Variants in SRGAP3 observed in about 807,000 individuals in gnomAD.
The protein encoded by SRGAP3 is SLIT-ROBO Rho GTPase activating protein 3, also known as SLIT-ROBO Rho GTPase-activating protein 3.
SRGAP3 carries 39 observed loss-of-function variants against 121.1 expected under a neutral mutation model. That is an observed-to-expected ratio of 0.32 (90% CI 0.25 to 0.42). The LOEUF is 0.42. Ranked by LOEUF, SRGAP3 falls within the 10% of genes least tolerant of loss-of-function variation. The pLI, the probability that SRGAP3 is intolerant of heterozygous loss-of-function variation, is 1.00. For synonymous variants in SRGAP3, 601 were observed against 570.0 expected, an observed-to-expected ratio of 1.05 and a Z score of -0.77; for missense variants, 1,213 against 1,470.6, an observed-to-expected ratio of 0.82 and a Z score of 2.86.
intron 7 of SRGAP3, 66 bp downstream of exon 7, chr3:9,058,185 T>C (rs1945924230): frequency 6.5e-7 from 1 of 1,533,242 alleles, no homozygotes; most frequent in Non-Finnish European, 9.0e-7. Flanking sequence ...CCAGGGATGA[T>C]GTACTGGAGC....
Position 9,104,786 on chromosome 3 carries a change from G to A in SRGAP3, c.317C>T (p.Thr106Ile), listed in dbSNP as rs916442011. The change falls in exon 3 of 22, where the codon ACC (threonine) becomes ATC (isoleucine). Residue 106 changes from threonine (T) to isoleucine (I), a missense_variant. This residue lies in a region of SRGAP3 where 793 missense variants were observed against 1,032.9 expected (regional missense o/e 0.77). Coordinates refer to ENST00000383836, the MANE Select transcript of SRGAP3 (RefSeq NM_014850.4). ...VNCWYLVLHQTRRESRDHATL... is the reference protein window; with the variant it reads ...VNCWYLVLHQIRRESRDHATL... The stretch of plus-strand genomic sequence containing the variant: ...GGCATGGTCTCGGCTCTCCCGCCGG[G>A]TCTGATGCAGAACCAGATACCAACA... The A allele has an allele frequency of 3.1e-6, 5 of 1,614,258 alleles. No individual in the cohort carries two copies. Among genetic ancestry groups the A allele is most frequent in the Non-Finnish European group, 4.2e-6 (5 of 1,180,046 alleles).
At chr3:9,276,228 C>T (rs1178157006) in intron 3 of SRGAP3, among the ~76,000 whole-genome samples, 6 of 152,088 alleles carry the variant, frequency 3.9e-5, no homozygotes, top group African/African-American at 7.2e-5. Context: ...TTAATGGGTT[C>T]CTGGCTTAAC....
chr3:9,060,050 C>A, intron 6 of SRGAP3, 181 bp downstream of exon 6: 2 of 948,006 alleles, frequency 2.1e-6, no homozygotes, highest in South Asian at 2.8e-5. Context: ...ATAGACACCA[C>A]GAGGTAACAT....
At chr3:9,006,416 A>G (rs1176680423) in intron 18 of SRGAP3, among the ~76,000 whole-genome samples, 1 of 146,310 alleles carries the variant, frequency 6.8e-6, no homozygotes, top group Non-Finnish European at 1.5e-5. Flanking sequence ...AAAAAAAAAG[A>G]AAAGAAAAGG....
chr3:8,986,110 C>T (rs568298129), intron 21 of SRGAP3, among the ~76,000 whole-genome samples, 178 bp from the exon 22 acceptor site: 3 of 152,158 alleles, frequency 2.0e-5, no homozygotes, highest in East Asian at 1.9e-4. Flanking sequence ...ATATCCCCTG[C>T]ATGCTGCCTT....
chr3:9,032,094 T>C (rs1175702761), intron 12 of SRGAP3, among the ~76,000 whole-genome samples: 1 of 152,186 alleles, frequency 6.6e-6, no homozygotes, highest in East Asian at 1.9e-4. Context: ...ACCTCAACTT[T>C]TCTCCCTTCT....
intron 14 of SRGAP3, among the ~76,000 whole-genome samples, chr3:9,024,005 C>G (rs76537251): frequency 5.9e-5 from 9 of 152,086 alleles, no homozygotes; most frequent in African/African-American, 1.9e-4. Context: ...TGGAGATGAC[C>G]GAGAGGCAGA....
intron 1 of SRGAP3, among the ~76,000 whole-genome samples, chr3:9,182,624 T>A (rs1024336467): frequency 2.0e-5 from 3 of 152,166 alleles, no homozygotes; most frequent in Non-Finnish European, 4.4e-5. Context: ...CTAATACAAA[T>A]ATTTATTTTA....
intron 3 of SRGAP3, among the ~76,000 whole-genome samples, chr3:9,301,365 G>T (rs752707091): frequency 6.6e-6 from 1 of 152,242 alleles, no homozygotes; most frequent in Non-Finnish European, 1.5e-5. Flanking sequence ...GCCCAGATGG[G>T]TGGCCTTGAG....
At chr3:9,108,555 C>T (rs547776978) in intron 2 of SRGAP3, among the ~76,000 whole-genome samples, 32 of 152,286 alleles carry the variant, frequency 2.1e-4, no homozygotes, top group African/African-American at 7.2e-4. Flanking sequence ...GAGGTGGAAG[C>T]TGCAGTGAGC....
intron 1 of SRGAP3, among the ~76,000 whole-genome samples, chr3:9,241,779 A>G (rs982248056): frequency 2.0e-5 from 3 of 152,122 alleles, no homozygotes; most frequent in Non-Finnish European, 2.9e-5. Flanking sequence ...TGCCCTTATA[A>G]GAAGAGGAAG....
intron 1 of SRGAP3, among the ~76,000 whole-genome samples, chr3:9,207,691 G>C (rs572648235): frequency 1.1e-4 from 17 of 152,312 alleles, no homozygotes; most frequent in African/African-American, 3.8e-4. Context: ...TGGCCCTTTG[G>C]AGTTGTCCCA....
intron 3 of SRGAP3, among the ~76,000 whole-genome samples, chr3:9,312,316 G>A (rs936111360): frequency 2.6e-5 from 4 of 152,034 alleles, no homozygotes; most frequent in East Asian, 1.9e-4. Flanking sequence ...CACCACGCCC[G>A]GCTAATTTTT....
At chr3:9,199,799 T>G (rs1952018542) in intron 1 of SRGAP3, among the ~76,000 whole-genome samples, 1 of 152,236 alleles carries the variant, frequency 6.6e-6, no homozygotes, top group South Asian at 2.1e-4. Context: ...CTACAATTAT[T>G]CATTCTTTCT....
At chr3:9,003,412 GA>G (rs1942874071) in intron 18 of SRGAP3, among the ~76,000 whole-genome samples, 1 of 152,152 alleles carries the variant, frequency 6.6e-6, no homozygotes, top group African/African-American at 2.4e-5. Context: ...CCAGGAGGCA[GA>G]GGTTGCAGTG....
chr3:9,000,565 G>C lies in SRGAP3; in HGVS notation c.2228-6042C>G, dbSNP rs1942695151. On this transcript the variant is annotated intron_variant, in intron 18 of 21. Transcript: ENST00000383836. ...GAGCTTGGAGAAGTTCAAGTCGAAGGGGACTCTCAAGAACAGTGGAGGTCG... is the reference window on the plus strand; with the variant it reads ...GAGCTTGGAGAAGTTCAAGTCGAAGCGGACTCTCAAGAACAGTGGAGGTCG... 2.0e-5 allele frequency among the ~76,000 whole-genome samples: 3 copies of C among 152,160 alleles called. No homozygotes were observed. In the South Asian group the frequency reaches 6.2e-4, roughly 31 times the overall value.
In SRGAP3 at chr3:8,982,233, C is replaced by CTTGA. The variant is rs1168294736; in HGVS notation, c.*3282_*3285dup. The CTTGA allele has an allele frequency of 8.8e-6, 2 of 225,994 alleles. No homozygotes were observed. Among genetic ancestry groups the CTTGA allele is most frequent in the Non-Finnish European group, 1.8e-5 (2 of 113,382 alleles). The allele number at this position is 225,994 out of a possible 1,614,324, so 14.0% of individuals were successfully genotyped here. A position where few individuals can be genotyped will look rare whatever the true frequency, so the allele number is the denominator to read the frequency against. On this transcript the variant is annotated 3_prime_UTR_variant, in exon 22 of 22. Coordinates refer to ENST00000383836, the MANE Select transcript of SRGAP3 (RefSeq NM_014850.4). ...GTCGGTTACACATAAAGACAAAAGG[C>CTTGA]TTGACCTCAGGATAAGTCGAAGGTT...
In SRGAP3 at chr3:9,249,036, A is replaced by C; in HGVS notation, c.-85T>G. 1 of 1,339,532 alleles carries C rather than the reference A, an allele frequency of 7.5e-7. No individual in the cohort carries two copies. The highest frequency in any genetic ancestry group is 1.1e-6 in the Non-Finnish European group (1 of 932,590). 83.0% of individuals were successfully genotyped at this position (1,339,532 alleles called of 1,614,324 possible). A position where few individuals can be genotyped will look rare whatever the true frequency, so the allele number is the denominator to read the frequency against. ...AGTCCTCTCTCAAGCCCTGGTAATC[A>C]CACAGCTCTGGTCGATTTCACAGGT... is the stretch of plus-strand genomic sequence containing the variant. On this transcript the variant is annotated 5_prime_UTR_variant, in exon 1 of 22. Coordinates refer to ENST00000383836, the MANE Select transcript of SRGAP3 (RefSeq NM_014850.4).
intron 6 of SRGAP3, 74 bp from the exon 7 acceptor site, chr3:9,058,546 T>C: frequency 1.4e-6 from 2 of 1,439,084 alleles, no homozygotes; most frequent in Non-Finnish European, 9.8e-7. Flanking sequence ...GCCACCACAG[T>C]GACTTACAAT....
Sources: gnomAD v4.1 joint callset for allele counts (sites outside exome capture counted in the v4.1 genomes callset) on GRCh38, gnomAD v4.1.1 for gene constraint, gnomAD v4.1.1 regional missense constraint, MANE v1.5 for transcripts, NCBI Gene and HGNC (gene_info 2026-07-23, HGNC 2026-07-21) for gene names.